The following NTN1 variants were observed in gnomAD, a reference collection of about 807,000 sequenced individuals.
NTN1 encodes the protein netrin 1.
Under a neutral mutation model 54.2 loss-of-function variants are expected in NTN1, and 11 were observed. That is an observed-to-expected ratio of 0.20 (90% confidence interval 0.13 to 0.34). The LOEUF (loss-of-function observed/expected upper bound fraction) is 0.34. NTN1 is among the 10% of genes least tolerant of loss of function. NTN1 has a pLI of 1.00. For synonymous variants in NTN1, 371 were observed against 382.0 expected, an observed-to-expected ratio of 0.97 and a Z score of 0.33; for missense variants, 740 against 893.1, an observed-to-expected ratio of 0.83 and a Z score of 2.18.
intron 2 of NTN1, among the ~76,000 whole-genome samples, chr17:9,114,167 ATAT>A (rs1347784268): frequency 0.016 from 832 of 53,488 alleles, 19 homozygotes; most frequent in African/African-American, 0.064. Context: ...AAAAAAAAAA[ATAT>A]ATATATATAT....
chr17:9,225,287 C>T (rs1400993290), intron 6 of NTN1, among the ~76,000 whole-genome samples: 1 of 152,008 alleles, frequency 6.6e-6, no homozygotes, highest in Non-Finnish European at 1.5e-5. Context: ...TTGGGGAGTC[C>T]TCCCCACCCT....
At chr17:9,108,203 G>T (rs2142248836) in intron 2 of NTN1, among the ~76,000 whole-genome samples, 1 of 152,266 alleles carries the variant, frequency 6.6e-6, no homozygotes, top group South Asian at 2.1e-4. Context: ...ACTCTGGGCT[G>T]AGCTTTCAGG....
chr17:9,017,699 C>G (rs139518042), upstream of NTN1, among the ~76,000 whole-genome samples: 2 of 152,212 alleles, frequency 1.3e-5, no homozygotes, highest in Non-Finnish European at 2.9e-5. Context: ...TGCACTGTTG[C>G]GTTTTGAACT....
intron 2 of NTN1, among the ~76,000 whole-genome samples, chr17:9,033,068 C>T (rs549743228): frequency 6.6e-6 from 1 of 150,780 alleles, no homozygotes; most frequent in East Asian, 1.9e-4. Flanking sequence ...ATTCTTCTGT[C>T]TCAGCCTCCT....
chr17:9,190,166 TAA>T (rs1351711475), intron 5 of NTN1, among the ~76,000 whole-genome samples: 1 of 151,968 alleles, frequency 6.6e-6, no homozygotes, highest in Non-Finnish European at 1.5e-5. Flanking sequence ...AGAATACCAG[TAA>T]AAATATGAAA....
At chr17:9,054,729 CTA>C (rs1394669314) in intron 2 of NTN1, among the ~76,000 whole-genome samples, 1 of 151,884 alleles carries the variant, frequency 6.6e-6, no homozygotes, top group Non-Finnish European at 1.5e-5. Context: ...CGACGAGGGG[CTA>C]TGTTTCAGCC....
At chr17:9,157,798 C>A (rs997536764) in intron 2 of NTN1, among the ~76,000 whole-genome samples, 2 of 152,246 alleles carry the variant, frequency 1.3e-5, no homozygotes, top group African/African-American at 2.4e-5. Context: ...CTGCCACCCC[C>A]AACCCCCTTT....
the NTN1 span, among the ~76,000 whole-genome samples, chr17:9,007,727 T>TCTTG: frequency 2.0e-5 from 3 of 151,082 alleles, no homozygotes; most frequent in Admixed American, 6.6e-5. Context: ...TTTCTTTCTT[T>TCTTG]CTTGCTTGCT....
rs1404097905 is a variant in NTN1 at position 9,114,164 on chromosome 17, A to ATATATAT, written c.1019-48649_1019-48648insTATATAT. Among the ~76,000 whole-genome samples, 420 of 80,266 alleles carry ATATATAT rather than the reference A, an allele frequency of 5.2e-3. 7 individuals carry two copies. The highest frequency in any genetic ancestry group is 0.021 in the African/African-American group (393 of 19,128). 52.7% of individuals were successfully genotyped at this position (80,266 alleles called of 152,430 possible). A position where few individuals can be genotyped will look rare whatever the true frequency, so the allele number is the denominator to read the frequency against. The stretch of plus-strand genomic sequence containing the variant: ...GTGCCAAAAAAAAAGAAAAAAAAAA[A>ATATATAT]AAATATATATATATATATATATGAT... On this transcript the variant is annotated intron_variant, in intron 2 of 6. Coordinates refer to ENST00000173229, the MANE Select transcript of NTN1 (RefSeq NM_004822.3).
At chr17:9,217,640 A>C (rs1905243107) in intron 5 of NTN1, among the ~76,000 whole-genome samples, 1 of 152,166 alleles carries the variant, frequency 6.6e-6, no homozygotes, top group Non-Finnish European at 1.5e-5. Context: ...AAGCAGCCAA[A>C]TAGCTGTCAC....
chr17:9,123,651 TG>T (rs1248513400), intron 2 of NTN1, among the ~76,000 whole-genome samples: 1 of 152,248 alleles, frequency 6.6e-6, no homozygotes, highest in African/African-American at 2.4e-5. Context: ...GAAAGTCAAG[TG>T]TAACTATTGT....
chr17:9,207,286 A>G (rs1474380134), intron 5 of NTN1, among the ~76,000 whole-genome samples: 4 of 152,194 alleles, frequency 2.6e-5, no homozygotes, highest in African/African-American at 4.8e-5. Flanking sequence ...GCCAGAGGTC[A>G]GCCATTATTC....
intron 2 of NTN1, among the ~76,000 whole-genome samples, chr17:9,078,474 G>A (rs1029601215): frequency 2.6e-5 from 4 of 152,210 alleles, no homozygotes; most frequent in Non-Finnish European, 5.9e-5. Context: ...TCTGGCTCCC[G>A]ACTGCATTTT....
intron 5 of NTN1, among the ~76,000 whole-genome samples, chr17:9,203,597 G>C (rs1439383582): frequency 6.6e-6 from 1 of 152,010 alleles, no homozygotes; most frequent in Non-Finnish European, 1.5e-5. Context: ...TCAGGAGCTT[G>C]AGAGCAGCCT....
At chr17:9,131,212 C>G (rs1404443990) in intron 2 of NTN1, among the ~76,000 whole-genome samples, 1 of 152,170 alleles carries the variant, frequency 6.6e-6, no homozygotes, top group Non-Finnish European at 1.5e-5. Flanking sequence ...CGTGATCACC[C>G]TGTAGAAAAC....
At chr17:9,131,947 C>T (rs920489730) in intron 2 of NTN1, among the ~76,000 whole-genome samples, 4 of 151,686 alleles carry the variant, frequency 2.6e-5, no homozygotes, top group Non-Finnish European at 4.4e-5. Flanking sequence ...GGACTACAGG[C>T]GCCCGCAACC....
In NTN1 at chr17:9,221,658, G is replaced by A. The variant is rs538161933; in HGVS notation, c.1486+416G>A. ...ATCAGACAAGGGCTGGGAGCTCCCC[G>A]GTGCATTTCCAGTGTTCCGCCAGGC... On this transcript the variant is annotated intron_variant, in intron 6 of 6. Transcript: ENST00000173229. The surrounding 1 kb of genome is among the most constrained non-coding windows in gnomAD (Gnocchi z 4.5). Among the ~76,000 whole-genome samples, 4 of 152,230 alleles carry A rather than the reference G, an allele frequency of 2.6e-5. No homozygotes were observed. The highest frequency in any genetic ancestry group is 4.4e-5 in the Non-Finnish European group (3 of 68,032).
chr17:9,227,410 A>G (rs1419721487), intron 6 of NTN1, among the ~76,000 whole-genome samples: 1 of 147,514 alleles, frequency 6.8e-6, no homozygotes, highest in Non-Finnish European at 1.5e-5. Flanking sequence ...CACACACACC[A>G]CATGCACACA....
intron 2 of NTN1, among the ~76,000 whole-genome samples, chr17:9,074,195 G>A (rs1022479631): frequency 1.3e-5 from 2 of 152,188 alleles, no homozygotes; most frequent in African/African-American, 4.8e-5. Flanking sequence ...AGGGAAGCCT[G>A]ACAGGGGCGA....
Sources: gnomAD v4.1 joint callset for allele counts (sites outside exome capture counted in the v4.1 genomes callset) on GRCh38, gnomAD v4.1.1 for gene constraint, Gnocchi (gnomAD v3.1) non-coding constraint, MANE v1.5 for transcripts, NCBI Gene and HGNC (gene_info 2026-07-23, HGNC 2026-07-21) for gene names.